The following CMTR1 variants were observed in gnomAD, a reference collection of about 807,000 sequenced individuals.
CMTR1 encodes the protein cap methyltransferase 1, also known as cap-specific mRNA (nucleoside-2'-O-)-methyltransferase 1.
A neutral mutation model predicts 107.0 loss-of-function variants in CMTR1; 39 were observed. The ratio of observed to expected loss-of-function variants is 0.36; its 90% CI spans 0.28 to 0.48. CMTR1 has a LOEUF of 0.48. Among genes scored for constraint, CMTR1 ranks in the 20% least tolerant of loss-of-function variants. The pLI is 0.99. For missense variants in CMTR1, 672 were observed against 1,064.9 expected, an observed-to-expected ratio of 0.63 and a Z score of 5.14; for synonymous variants, 366 against 379.5, an observed-to-expected ratio of 0.96 and a Z score of 0.41.
intron 16 of CMTR1, 87 bp from the exon 17 acceptor site, chr6:37,473,383 C>T (rs1354171408): frequency 6.8e-7 from 1 of 1,465,812 alleles, no homozygotes. Context: ...TGTCCCTTGC[C>T]TTGTCGAGCC....
chr6:37,463,135 C>A, intron 13 of CMTR1, 127 bp downstream of exon 13: 1 of 976,490 alleles, frequency 1.0e-6, no homozygotes, highest in Non-Finnish European at 1.6e-6. Context: ...TGGGTTTGGT[C>A]TGCTGGTTTC....
At chr6:37,442,402 A>G (rs1463815424) in intron 2 of CMTR1, among the ~76,000 whole-genome samples, 1 of 152,158 alleles carries the variant, frequency 6.6e-6, no homozygotes, top group African/African-American at 2.4e-5. Flanking sequence ...GGAGTCATAT[A>G]CTCTGTAGGT....
At position 37,480,977 on chromosome 6, in the gene CMTR1, G is replaced by T; in HGVS notation, c.*832G>T. On this transcript the variant is annotated 3_prime_UTR_variant, in exon 24 of 24. Coordinates refer to ENST00000373451, the MANE Select transcript of CMTR1 (RefSeq NM_015050.3). ...AGCAGGGGCCCCAGCAGTAACAAAG[G>T]GTACCTCCAGGGGTTTGGGTAGCGC... 7.8e-7 allele frequency: 1 copy of T among 1,281,874 alleles called. No individual in the cohort carries two copies. 79.4% of individuals were successfully genotyped at this position (1,281,874 alleles called of 1,614,324 possible).
At position 37,435,668 on chromosome 6, in the gene CMTR1, C is replaced by G. The variant is rs1335031148; in HGVS notation, c.39C>G (p.Ile13Met). ...CTGACCCAGAATGCACTGCCCCCAT[C>G]AAGAAACAGAAAAAAAGAGTTGCAG... ...RRTDPECTAP[I>M]KKQKKRVAEL... The change falls in exon 2 of 24, where the codon ATC (isoleucine) becomes ATG (methionine). Residue 13 changes from isoleucine to methionine, a missense_variant. Around this residue, in one of 2 missense-constraint regions of CMTR1, gnomAD observed 89 missense variants for 96.6 expected, o/e 0.92. Coordinates refer to ENST00000373451, the MANE Select transcript of CMTR1 (RefSeq NM_015050.3). 1 of 1,600,930 alleles carries G rather than the reference C, an allele frequency of 6.2e-7. No homozygotes were observed. Among genetic ancestry groups the G allele is most frequent in the Non-Finnish European group, 8.5e-7 (1 of 1,174,958 alleles).
intron 21 of CMTR1, 59 bp downstream of exon 21, chr6:37,477,698 C>T: frequency 9.4e-7 from 1 of 1,062,128 alleles, no homozygotes; most frequent in Admixed American, 1.8e-5. Flanking sequence ...CGGCCGTGTC[C>T]TGTAGTCATC....
intron 13 of CMTR1, among the ~76,000 whole-genome samples, chr6:37,463,299 C>T (rs1761438964): frequency 6.6e-6 from 1 of 152,180 alleles, no homozygotes; most frequent in Admixed American, 6.5e-5. Flanking sequence ...GCCTGTGTCC[C>T]TGGAGGCAGG....
chr6:37,475,166 G>C (rs1183763055), intron 18 of CMTR1, among the ~76,000 whole-genome samples, 155 bp from the exon 19 acceptor site: 2 of 152,180 alleles, frequency 1.3e-5, no homozygotes, highest in Non-Finnish European at 2.9e-5. Context: ...TGATGCTGAG[G>C]AGCAGCTGGG....
At chr6:37,434,855 G>T (rs893619321) in intron 1 of CMTR1, among the ~76,000 whole-genome samples, 44 of 152,198 alleles carry the variant, frequency 2.9e-4, no homozygotes, top group African/African-American at 9.6e-4. Context: ...CAGGTGATCC[G>T]CCCACCTCTT....
In CMTR1 at chr6:37,447,682, G is replaced by A. The variant is rs147684077; in HGVS notation, c.444+1233G>A. Among the ~76,000 whole-genome samples, 278 of 150,862 alleles carry A rather than the reference G, an allele frequency of 1.8e-3. 1 individual carries two copies. Among genetic ancestry groups the A allele is most frequent in the African/African-American group, 6.3e-3 (260 of 41,022 alleles). ...TCAAGACCAGCCTGACCAACATGACGAAACCCCATCTCTGCTAAAAATACA... is the reference window on the plus strand; with the variant it reads ...TCAAGACCAGCCTGACCAACATGACAAAACCCCATCTCTGCTAAAAATACA... On this transcript the variant is annotated intron_variant, in intron 4 of 23. Transcript: ENST00000373451.
chr6:37,448,615 A>G lies in CMTR1; in HGVS notation c.445-1636A>G, dbSNP rs77165253. The stretch of plus-strand genomic sequence containing the variant: ...TTTCTTTTCAACTTTGTCTCTGTTG[A>G]TGCTGGTTGGCTTGCCCTCAAGACC... On this transcript the variant is annotated intron_variant, in intron 4 of 23. Transcript: ENST00000373451. Among the ~76,000 whole-genome samples, 1,211 of 152,302 alleles carry G rather than the reference A, an allele frequency of 8.0e-3. 7 individuals are homozygous for G. Among genetic ancestry groups the G allele is most frequent in the Non-Finnish European group, 0.013 (860 of 68,024 alleles).
intron 19 of CMTR1, 65 bp from the exon 20 acceptor site, chr6:37,476,061 T>C (rs1027964462): frequency 1.3e-6 from 2 of 1,516,014 alleles, no homozygotes; most frequent in African/African-American, 2.7e-5. Context: ...GAAAATGCCC[T>C]GGGGGTAGGG....
chr6:37,446,191 C>A (rs1771790582), intron 3 of CMTR1, 100 bp from the exon 4 acceptor site: 1 of 1,261,434 alleles, frequency 7.9e-7, no homozygotes, highest in Non-Finnish European at 1.1e-6. Flanking sequence ...CTTTAATCAT[C>A]TATTTTTCTT....
intron 8 of CMTR1, among the ~76,000 whole-genome samples, chr6:37,457,364 T>A (rs1057410451): frequency 6.6e-6 from 1 of 152,302 alleles, no homozygotes; most frequent in African/African-American, 2.4e-5. Context: ...CTGCTGTTGC[T>A]GCACAACAGT....
At chr6:37,447,989 T>A (rs1751258788) in intron 4 of CMTR1, among the ~76,000 whole-genome samples, 1 of 151,762 alleles carries the variant, frequency 6.6e-6, no homozygotes, top group South Asian at 2.1e-4. Flanking sequence ...GGCAGGTGGA[T>A]CTCAAGGTCA....
Position 37,462,812 on chromosome 6 carries a change from A to G in CMTR1, c.1326-17A>G, listed in dbSNP as rs1417525264. On this transcript the variant is annotated splice_polypyrimidine_tract_variant and intron_variant, in intron 12 of 23. Transcript: ENST00000373451. ...GGAAGCCCTTGCTCGGTGGAGTGACAGAGTATCTTCTGCCAGGTATGTGGT... is the reference window on the plus strand; with the variant it reads ...GGAAGCCCTTGCTCGGTGGAGTGACGGAGTATCTTCTGCCAGGTATGTGGT... 1.9e-6 allele frequency: 3 copies of G among 1,610,716 alleles called. No individual in the cohort carries two copies. In the African/African-American group the frequency reaches 4.0e-5, roughly 22 times the overall value.
At position 37,474,586 on chromosome 6, in the gene CMTR1, G is replaced by C. The variant is rs767553428; in HGVS notation, c.1884G>C (p.Lys628Asn). 6.2e-7 allele frequency: 1 copy of C among 1,614,160 alleles called. No homozygotes were observed. Among genetic ancestry groups the C allele is most frequent in the South Asian group, 1.1e-5 (1 of 91,076 alleles). ...ACCGCTGGATCAAGCTAGACCTGAAGACAGAGCTGCCCCGGGACACTCTGC... is the reference window on the plus strand; with the variant it reads ...ACCGCTGGATCAAGCTAGACCTGAACACAGAGCTGCCCCGGGACACTCTGC... ...QSDRWIKLDLKTELPRDTLLS... is the reference protein window; with the variant it reads ...QSDRWIKLDLNTELPRDTLLS... Residue 628 changes from lysine (K) to asparagine (N), a missense_variant, in exon 18 of 24, where the codon AAG becomes AAC. This residue lies in a region of CMTR1 where 583 missense variants were observed against 968.4 expected (regional missense o/e 0.60). Transcript: ENST00000373451.
chr6:37,446,191 C>G (rs1771790582), intron 3 of CMTR1, 100 bp from the exon 4 acceptor site: 2 of 1,261,436 alleles, frequency 1.6e-6, no homozygotes, highest in Non-Finnish European at 1.1e-6. Flanking sequence ...CTTTAATCAT[C>G]TATTTTTCTT....
At position 37,472,607 on chromosome 6, in the gene CMTR1, C is replaced by A; in HGVS notation, c.1689+120C>A. The A allele has an allele frequency of 1.0e-6, 1 of 988,934 alleles. No homozygotes were observed. The highest frequency in any genetic ancestry group is 1.6e-6 in the Non-Finnish European group (1 of 627,786). The allele number at this position is 988,934 out of a possible 1,614,324, so 61.3% of individuals were successfully genotyped here. A position where few individuals can be genotyped will look rare whatever the true frequency, so the allele number is the denominator to read the frequency against. On this transcript the variant is annotated intron_variant, in intron 16 of 23. Transcript: ENST00000373451. The surrounding 1 kb of genome is among the most constrained non-coding windows in gnomAD (Gnocchi z 4.1). Reference sequence around the variant, plus strand: ...GGCTTGTGCAGATGCCCACCATGGGCTCTAAGGGGCGGAGCTAAGGCTGCC... The same window carrying A: ...GGCTTGTGCAGATGCCCACCATGGGATCTAAGGGGCGGAGCTAAGGCTGCC...
chr6:37,444,097 G>C lies in CMTR1; in HGVS notation c.232G>C (p.Glu78Gln). 1.2e-6 allele frequency: 2 copies of C among 1,614,148 alleles called. No homozygotes were observed. The highest frequency in any genetic ancestry group is 1.7e-6 in the Non-Finnish European group (2 of 1,180,016). ...DDAFKADSLV[E>Q]GTSSRYSMYN... ...TGCATTCAAAGCAGACTCTCTTGTG[G>C]AAGGAACTTCTTCTCGCTATTCCAT... The change falls in exon 3 of 24, where the codon GAA becomes CAA. Residue 78 changes from glutamate to glutamine, a missense_variant. Glu to Gln is a conservative substitution (Grantham distance 29). Transcript: ENST00000373451.
Sources: gnomAD v4.1 joint callset for allele counts (sites outside exome capture counted in the v4.1 genomes callset) on GRCh38, gnomAD v4.1.1 for gene constraint, gnomAD v4.1.1 regional missense constraint, Gnocchi (gnomAD v3.1) non-coding constraint, MANE v1.5 for transcripts, NCBI Gene and HGNC (gene_info 2026-07-23, HGNC 2026-07-21) for gene names.